Variants in THRB observed in about 807,000 individuals in gnomAD.
The protein encoded by THRB is nuclear receptor subfamily 1 group A member 2.
In THRB, 12 loss-of-function variants were observed where a neutral mutation model predicts 47.8. That is an observed-to-expected ratio of 0.25 (90% CI 0.16 to 0.41). The LOEUF is 0.41. Ranked by LOEUF, THRB falls within the 10% of genes least tolerant of loss-of-function variation. The pLI, the probability that THRB is intolerant of heterozygous loss-of-function variation, is 1.00. For missense variants in THRB, 348 were observed against 589.2 expected (o/e 0.59, Z 4.24); for synonymous variants, 218 against 212.2 (o/e 1.03, Z -0.24).
intron 1 of THRB, among the ~76,000 whole-genome samples, chr3:24,486,803 CT>C (rs879380710): frequency 7.9e-5 from 12 of 151,168 alleles, no homozygotes; most frequent in East Asian, 5.8e-4. Flanking sequence ...CCCTTGGTTC[CT>C]TTTTTTTTAA....
intron 5 of THRB, among the ~76,000 whole-genome samples, chr3:24,160,559 A>C (rs910237851): frequency 1.3e-5 from 2 of 152,138 alleles, no homozygotes; most frequent in Non-Finnish European, 2.9e-5. Context: ...AACAGCTGGT[A>C]CCGAGGGAGC....
chr3:24,170,248 T>A (rs2683530), intron 5 of THRB, among the ~76,000 whole-genome samples: 1 of 151,974 alleles, frequency 6.6e-6, no homozygotes, highest in Non-Finnish European at 1.5e-5. Context: ...TAAATCCAAT[T>A]CATTAGCAAG....
intron 3 of THRB, among the ~76,000 whole-genome samples, chr3:24,245,047 A>G (rs1393854363): frequency 2.0e-5 from 3 of 152,190 alleles, no homozygotes; most frequent in Non-Finnish European, 4.4e-5. Context: ...CCTGGCTTCA[A>G]CCTTCTCTTT....
At chr3:24,259,933 A>C (rs781636224) in intron 3 of THRB, among the ~76,000 whole-genome samples, 9 of 152,146 alleles carry the variant, frequency 5.9e-5, no homozygotes, top group African/African-American at 2.2e-4. Flanking sequence ...TTACCCACAG[A>C]AAGTATACAG....
At chr3:24,229,399 GT>G (rs1475842327) in intron 3 of THRB, among the ~76,000 whole-genome samples, 2 of 152,168 alleles carry the variant, frequency 1.3e-5, no homozygotes, top group African/African-American at 4.8e-5. Context: ...CTGAGAGCTT[GT>G]GAGAAATAGA....
In THRB at chr3:24,209,189, A is replaced by G. The variant is rs62253688; in HGVS notation, c.23-18855T>C. The stretch of plus-strand genomic sequence containing the variant: ...TCATTAAAAGGTCAGGAAACAACAG[A>G]TGCTAGAGAGGATGTGGAGAAATAG... On this transcript the variant is annotated intron_variant, in intron 4 of 10. Coordinates refer to ENST00000646209, the MANE Select transcript of THRB (RefSeq NM_001354712.2). Among the ~76,000 whole-genome samples, 878 of 152,330 alleles carry G rather than the reference A, an allele frequency of 5.8e-3. 8 individuals carry two copies. Among genetic ancestry groups the G allele is most frequent in the South Asian group, 0.041 (200 of 4,824 alleles).
chr3:24,237,326 C>T (rs1485499201), intron 3 of THRB, among the ~76,000 whole-genome samples: 1 of 152,156 alleles, frequency 6.6e-6, no homozygotes, highest in Non-Finnish European at 1.5e-5. Context: ...GTTTTGCCGT[C>T]AGGAAGGGAA....
chr3:24,234,340 T>C (rs2048651002), intron 3 of THRB, among the ~76,000 whole-genome samples: 1 of 152,164 alleles, frequency 6.6e-6, no homozygotes, highest in African/African-American at 2.4e-5. Flanking sequence ...ATTCTTAAAA[T>C]GCAGATAGCT....
chr3:24,492,530 C>A (rs976676028), intron 1 of THRB, among the ~76,000 whole-genome samples: 47 of 152,200 alleles, frequency 3.1e-4, no homozygotes, highest in African/African-American at 8.9e-4. Flanking sequence ...TGATTTCCAT[C>A]AAAAAGATGG....
chr3:24,431,270 AC>A (rs1414382259), intron 1 of THRB, among the ~76,000 whole-genome samples: 1 of 92,158 alleles, frequency 1.1e-5, no homozygotes, highest in Non-Finnish European at 2.8e-5. Flanking sequence ...CTACACACAC[AC>A]ACACACACAC....
chr3:24,392,846 T>C (rs1234740314), intron 1 of THRB, among the ~76,000 whole-genome samples: 1 of 152,190 alleles, frequency 6.6e-6, no homozygotes, highest in Non-Finnish European at 1.5e-5. Context: ...AATTTATATG[T>C]ACCTCTATTC....
At chr3:24,277,842 T>C (rs1054764796) in intron 3 of THRB, among the ~76,000 whole-genome samples, 23 of 152,220 alleles carry the variant, frequency 1.5e-4, no homozygotes, top group African/African-American at 5.5e-4. Context: ...TGGCAGTCTC[T>C]AAGATTCAAG....
In THRB at chr3:24,472,881, C is replaced by A. The variant is rs146450708; in HGVS notation, c.-261+21771G>T. ...CAAGCAGCAAATTTGCACTCTTGTG[C>A]CCTTTTATTTATAAATTATAAATTT... is the stretch of plus-strand genomic sequence containing the variant. On this transcript the variant is annotated intron_variant, in intron 1 of 10. Transcript: ENST00000646209. Among the ~76,000 whole-genome samples, 1,439 of 151,682 alleles carry A rather than the reference C, an allele frequency of 9.5e-3. 21 individuals carry two copies. The highest frequency in any genetic ancestry group is 0.033 in the African/African-American group (1,356 of 41,480).
At chr3:24,207,633 T>C (rs1176135201) in intron 4 of THRB, among the ~76,000 whole-genome samples, 1 of 151,866 alleles carries the variant, frequency 6.6e-6, no homozygotes, top group African/African-American at 2.4e-5. Context: ...TTCCTATACC[T>C]CAATCATATA....
At chr3:24,295,570 T>C (rs767070041) in intron 3 of THRB, among the ~76,000 whole-genome samples, 1 of 152,246 alleles carries the variant, frequency 6.6e-6, no homozygotes, top group Non-Finnish European at 1.5e-5. Context: ...CAGGAGTTTT[T>C]TGCTTGCAAA....
chr3:24,347,446 AAATC>A (rs1216666826), intron 1 of THRB, among the ~76,000 whole-genome samples: 6 of 151,912 alleles, frequency 3.9e-5, no homozygotes, highest in Non-Finnish European at 8.8e-5. Context: ...GTAACAGAGA[AAATC>A]AATCAAGCCA....
At chr3:24,269,430 C>T (rs2053066998) in intron 3 of THRB, among the ~76,000 whole-genome samples, 1 of 147,664 alleles carries the variant, frequency 6.8e-6, no homozygotes, top group African/African-American at 2.6e-5. Context: ...CACACACACA[C>T]ACACACACAC....
Position 24,190,268 on chromosome 3 carries a change from A to G in THRB, c.89T>C (p.Val30Ala). 2 of 1,613,986 alleles carry G rather than the reference A, an allele frequency of 1.2e-6. No homozygotes were observed. Among genetic ancestry groups the G allele is most frequent in the Non-Finnish European group, 8.5e-7 (1 of 1,179,944 alleles). The change falls in exon 5 of 11, where the codon GTA becomes GCA. Residue 30 changes from valine (V) to alanine (A), a missense_variant. Physicochemically the swap from Val to Ala is moderately conservative, Grantham distance 64 (BLOSUM62 0). Coordinates refer to ENST00000646209, the MANE Select transcript of THRB (RefSeq NM_001354712.2). ...CPDREHDWKL[V>A]GMSEACLHRK... Reference sequence around the variant, plus strand: ...ATGTAGGCAGGCTTCAGACATTCCTACTAGCTTCCAGTCGTGTTCTCGGTC... The same window carrying G: ...ATGTAGGCAGGCTTCAGACATTCCTGCTAGCTTCCAGTCGTGTTCTCGGTC...
chr3:24,439,681 T>C (rs1192974045), intron 1 of THRB, among the ~76,000 whole-genome samples: 1 of 152,212 alleles, frequency 6.6e-6, no homozygotes, highest in African/African-American at 2.4e-5. Context: ...TATTTTGCTA[T>C]TAACTACATG....
Sources: allele counts gnomAD v4.1 joint callset (sites outside exome capture counted in the v4.1 genomes callset), GRCh38; gene constraint gnomAD v4.1.1; transcripts MANE v1.5; gene names NCBI Gene and HGNC (gene_info 2026-07-23, HGNC 2026-07-21).